HEPHL1: variants seen among roughly 807,000 people sequenced by gnomAD.
The protein encoded by HEPHL1 is hephaestin like 1, also known as ferroxidase HEPHL1.
Under a neutral mutation model 122.0 loss-of-function variants are expected in HEPHL1, and 123 were observed. The ratio of observed to expected loss-of-function variants is 1.01; its 90% CI spans 0.87 to 1.17. The LOEUF is 1.17. Among genes scored for constraint, HEPHL1 ranks in the 50% most tolerant of loss-of-function variants. The pLI is 0.00. For missense variants in HEPHL1, 1,452 were observed against 1,430.5 expected (o/e 1.01, Z -0.24); for synonymous variants, 527 against 508.9 (o/e 1.04, Z -0.48).
At chr11:94,052,280 C>T (rs1025289443) in intron 2 of HEPHL1, among the ~76,000 whole-genome samples, 2 of 151,752 alleles carry the variant, frequency 1.3e-5, no homozygotes, top group Non-Finnish European at 2.9e-5. Flanking sequence ...TTTTTTTGTC[C>T]TCTTCAATTT....
At chr11:94,078,446 C>CATATATATATATAT (rs6144452) in intron 9 of HEPHL1, among the ~76,000 whole-genome samples, 16,087 of 107,410 alleles carry the variant, frequency 0.15, 1,742 homozygotes, top group African/African-American at 0.17. Flanking sequence ...TCAGATGTTC[C>CATATATATATATAT]ATATATATAT....
At chr11:94,042,883 A>AAAAACAAAAAACAAAC (rs1555058774) in intron 1 of HEPHL1, among the ~76,000 whole-genome samples, 24,154 of 132,328 alleles carry the variant, frequency 0.18, 3,078 homozygotes, top group African/African-American at 0.32. Flanking sequence ...AATAAAAAAA[A>AAAAACAAAAAACAAAC]AAAAAAAAAA....
At chr11:94,092,730 G>A (rs972093947) in intron 12 of HEPHL1, among the ~76,000 whole-genome samples, 1 of 152,066 alleles carries the variant, frequency 6.6e-6, no homozygotes, top group African/African-American at 2.4e-5. Context: ...GCTCAACAGT[G>A]TTAATGCTGT....
intron 2 of HEPHL1, among the ~76,000 whole-genome samples, chr11:94,046,159 A>G (rs1455612706): frequency 2.5e-5 from 3 of 117,844 alleles, no homozygotes; most frequent in Non-Finnish European, 4.8e-5. Context: ...CAGTGGCATG[A>G]TATCAGCTCA....
At chr11:94,069,883 C>A (rs76094602) in intron 5 of HEPHL1, among the ~76,000 whole-genome samples, 1 of 152,076 alleles carries the variant, frequency 6.6e-6, no homozygotes, top group Non-Finnish European at 1.5e-5. Flanking sequence ...GCCACATTCT[C>A]TTTTGGAAAT....
intron 2 of HEPHL1, among the ~76,000 whole-genome samples, chr11:94,051,326 C>G (rs1369893221): frequency 1.3e-5 from 2 of 152,086 alleles, no homozygotes; most frequent in Admixed American, 6.5e-5. Flanking sequence ...TATTGCCTGT[C>G]TGTTGAATAA....
intron 6 of HEPHL1, among the ~76,000 whole-genome samples, chr11:94,072,448 G>T (rs2511410): frequency 0.29 from 43,785 of 151,998 alleles, 6,987 homozygotes; most frequent in Middle Eastern, 0.41. Context: ...GGCTGCAAGA[G>T]TGATGGCACC....
intron 10 of HEPHL1, among the ~76,000 whole-genome samples, chr11:94,083,756 T>C (rs2949858): frequency 0.71 from 108,359 of 152,116 alleles, 38,826 homozygotes; most frequent in African/African-American, 0.79. Flanking sequence ...ATGGAAAGCA[T>C]GGAGTAGTAC....
chr11:94,079,381 AT>A (rs1447057251), intron 9 of HEPHL1, among the ~76,000 whole-genome samples: 4 of 152,168 alleles, frequency 2.6e-5, no homozygotes, highest in Non-Finnish European at 4.4e-5. Flanking sequence ...AATTTTTAAT[AT>A]TTTATTCTGA....
At chr11:94,107,333 C>T (rs575605232) in intron 17 of HEPHL1, among the ~76,000 whole-genome samples, 6 of 152,028 alleles carry the variant, frequency 3.9e-5, no homozygotes, top group Non-Finnish European at 8.8e-5. Flanking sequence ...TTTTTAAACT[C>T]ACATTTTAAA....
chr11:94,042,468 A>G (rs1282766132), intron 1 of HEPHL1, among the ~76,000 whole-genome samples: 2 of 142,114 alleles, frequency 1.4e-5, no homozygotes, highest in East Asian at 2.2e-4. Flanking sequence ...AAGACTTGGA[A>G]CCAACCCAAA....
rs1187547964 is a variant in HEPHL1 at position 94,088,890 on chromosome 11, C to A, written c.2216C>A (p.Ala739Asp). 1.9e-6 allele frequency: 3 copies of A among 1,613,862 alleles called. No homozygotes were observed. The East Asian group carries it at 6.7e-5, about 36-fold the overall frequency. The change falls in exon 12 of 20, where the codon GCT becomes GAT. Residue 739 changes from alanine to aspartate, a missense_variant. Coordinates refer to ENST00000315765, the MANE Select transcript of HEPHL1 (RefSeq NM_001098672.2). ...ATGATAAGAACTTTTTACATCGCCG[C>A]TGAAGAAGTAGAATGGGATTATGCC... is the stretch of plus-strand genomic sequence containing the variant. ...YGMIRTFYIA[A>D]EEVEWDYAPN...
intron 1 of HEPHL1, among the ~76,000 whole-genome samples, chr11:94,039,893 G>A (rs1329335768): frequency 1.0e-5 from 1 of 96,110 alleles, no homozygotes; most frequent in Non-Finnish European, 2.2e-5. Context: ...GAAGGAAATA[G>A]AGACACAAAA....
intron 12 of HEPHL1, among the ~76,000 whole-genome samples, chr11:94,092,820 T>A (rs1159425941): frequency 6.6e-6 from 1 of 152,192 alleles, no homozygotes; most frequent in Admixed American, 6.5e-5. Context: ...GATCTGTTGA[T>A]GAAAATATTG....
chr11:94,072,970 G>C, intron 6 of HEPHL1, 55 bp from the exon 7 acceptor site: 3 of 1,528,638 alleles, frequency 2.0e-6, no homozygotes, highest in Non-Finnish European at 2.7e-6. Context: ...TATAATTAAA[G>C]TATTTGGTGG....
chr11:94,021,524 T>A lies in HEPHL1; in HGVS notation c.156T>A (p.Ser52Arg). 6.2e-7 allele frequency: 1 copy of A among 1,608,406 alleles called. No individual in the cohort carries two copies. The highest frequency in any genetic ancestry group is 1.3e-5 in the African/African-American group (1 of 74,862). Reference protein sequence around the residue: ...PQGKNVITGKSFTEDKLATLF... With the variant: ...PQGKNVITGKRFTEDKLATLF... Reference sequence around the variant, plus strand: ...GGAAGAATGTTATTACTGGGAAAAGTTTCACAGAAGACAAGTGAGTGAACT... The same window carrying A: ...GGAAGAATGTTATTACTGGGAAAAGATTCACAGAAGACAAGTGAGTGAACT... The change falls in exon 1 of 20, where the codon AGT becomes AGA. Residue 52 changes from serine to arginine, a missense_variant. Coordinates refer to ENST00000315765, the MANE Select transcript of HEPHL1 (RefSeq NM_001098672.2).
At chr11:94,069,425 T>A (rs1344549732) in intron 5 of HEPHL1, among the ~76,000 whole-genome samples, 1 of 152,130 alleles carries the variant, frequency 6.6e-6, no homozygotes, top group Non-Finnish European at 1.5e-5. Flanking sequence ...CTGGCCCCTA[T>A]AAATTGGTTT....
At position 94,042,891 on chromosome 11, in the gene HEPHL1, A is replaced by AAAAAAAAC. The variant is rs762818935; in HGVS notation, c.171-2780_171-2779insAAAAACAA. 1.3e-5 allele frequency among the ~76,000 whole-genome samples: 2 copies of AAAAAAAAC among 149,060 alleles called. 1 individual carries two copies. The highest frequency in any genetic ancestry group is 4.4e-4 in the East Asian group (2 of 4,574). On this transcript the variant is annotated intron_variant, in intron 1 of 19. Transcript: ENST00000315765. ...AAAGTATAATAAAAAAAAAAAAAAA[A>AAAAAAAAC]AACTGCATGAATTGCTCATTCTGGC...
chr11:94,093,080 G>T (rs781282630), intron 12 of HEPHL1, among the ~76,000 whole-genome samples: 11 of 145,888 alleles, frequency 7.5e-5, no homozygotes, highest in Non-Finnish European at 1.3e-4. Context: ...GAAACTCAGG[G>T]TGGTAGAGGG....
Sources: gnomAD v4.1 joint callset for allele counts (sites outside exome capture counted in the v4.1 genomes callset) on GRCh38, gnomAD v4.1.1 for gene constraint, MANE v1.5 for transcripts, NCBI Gene and HGNC (gene_info 2026-07-23, HGNC 2026-07-21) for gene names.